Variants in RBM12 observed in about 807,000 individuals in gnomAD.
RBM12 encodes the protein RNA-binding protein 12.
A neutral mutation model predicts 37.2 loss-of-function variants in RBM12; 24 were observed. The observed-to-expected ratio is 0.65, with a 90% CI of 0.47 to 0.91. The LOEUF is 0.91. RBM12 is among the 40% of genes least tolerant of loss of function. RBM12 has a pLI of 0.00. For missense variants in RBM12, 1,061 were observed against 1,183.2 expected, an observed-to-expected ratio of 0.90 and a Z score of 1.52; for synonymous variants, 420 against 425.2, an observed-to-expected ratio of 0.99 and a Z score of 0.15.
chr20:35,656,696 G>C (rs2033918935), intron 2 of RBM12, among the ~76,000 whole-genome samples: 1 of 152,090 alleles, frequency 6.6e-6, no homozygotes, highest in African/African-American at 2.4e-5. Context: ...CACCATGCCT[G>C]GCTAAGTGTT....
At chr20:35,655,989 G>A (rs1178867979) in intron 2 of RBM12, among the ~76,000 whole-genome samples, 1 of 152,048 alleles carries the variant, frequency 6.6e-6, no homozygotes, top group Admixed American at 6.5e-5. Flanking sequence ...AACTACATAT[G>A]GAATTATTTA....
intron 1 of RBM12, among the ~76,000 whole-genome samples, chr20:35,662,753 A>G (rs893377546): frequency 6.6e-6 from 1 of 152,206 alleles, no homozygotes. Context: ...TCACACCTAA[A>G]GACTGTACTA....
rs1379852025 is a variant in RBM12, at chr20:35,654,926, C to A, written c.397G>T (p.Val133Leu). 6.2e-7 allele frequency: 1 copy of A among 1,614,152 alleles called. No homozygotes were observed. The highest frequency in any genetic ancestry group is 1.3e-5 in the African/African-American group (1 of 75,008). The change falls in exon 3 of 3, where the codon GTA becomes TTA. Residue 133 changes from valine to leucine, a missense_variant. By Grantham distance (32) the Val-to-Leu change is conservative. This residue lies in a region of RBM12 where 540 missense variants were observed against 632.7 expected (regional missense o/e 0.85). Transcript: ENST00000374114. ...TGAACAGAAGTGGTGGCAGTAACTACACTGGGTGATGGATTATTAAAGTTG... is the reference window on the plus strand; with the variant it reads ...TGAACAGAAGTGGTGGCAGTAACTAAACTGGGTGATGGATTATTAAAGTTG... ...VSNFNNPSPS[V>L]VTATTSVHES...
At chr20:35,659,607 G>A (rs1030412749) in intron 1 of RBM12, among the ~76,000 whole-genome samples, 2 of 152,002 alleles carry the variant, frequency 1.3e-5, no homozygotes, top group African/African-American at 4.8e-5. Flanking sequence ...AAATATTAAG[G>A]GAAAGTGTTT....
rs2033648041 is a variant in RBM12, at chr20:35,653,110, G to A, written c.2213C>T (p.Pro738Leu). The change falls in exon 3 of 3, where the codon CCT becomes CTT. Residue 738 changes from proline (P) to leucine (L), a missense_variant. Pro to Leu is a moderately conservative substitution (Grantham distance 98, BLOSUM62 -3). Around this residue, in one of 3 missense-constraint regions of RBM12, gnomAD observed 517 missense variants for 534.0 expected, o/e 0.97. Transcript: ENST00000374114. ...GGCCCCGCCTCCTAATCCTGGAGGA[G>A]GGATTGGTGGCCCAAAGGCATTTGA... ...GGSNAFGPPI[P>L]PPGLGGGAFG... 6.2e-7 allele frequency: 1 copy of A among 1,613,820 alleles called. No homozygotes were observed. Among genetic ancestry groups the A allele is most frequent in the Non-Finnish European group, 8.5e-7 (1 of 1,180,032 alleles).
intron 1 of RBM12, among the ~76,000 whole-genome samples, chr20:35,663,897 T>G (rs1213665060): frequency 6.6e-6 from 1 of 151,922 alleles, no homozygotes; most frequent in African/African-American, 2.4e-5. Context: ...CAATTAACTC[T>G]CCATCAAAAG....
Position 35,652,480 on chromosome 20 carries a change from C to T in RBM12, c.*44G>A. On this transcript the variant is annotated 3_prime_UTR_variant, in exon 3 of 3. Transcript: ENST00000374114. ...AGGAAAACAATCTGGATGCATTAAT[C>T]ACAGCAATATGAAGATCTACCCTAT... 1 of 1,553,644 alleles carries T rather than the reference C, an allele frequency of 6.4e-7. No individual in the cohort carries two copies. Among genetic ancestry groups the T allele is most frequent in the Non-Finnish European group, 8.7e-7 (1 of 1,149,936 alleles).
Position 35,654,043 on chromosome 20 carries a change from T to C in RBM12, c.1280A>G (p.Glu427Gly), listed in dbSNP as rs1230078864. 1 of 1,614,202 alleles carries C rather than the reference T, an allele frequency of 6.2e-7. No individual in the cohort carries two copies. The highest frequency in any genetic ancestry group is 2.2e-5 in the East Asian group (1 of 44,892). The stretch of plus-strand genomic sequence containing the variant: ...TTTCAAGTAAACACAAAAACCAGCC[T>C]CATGTGGTGATCTTGACCTTGATCT... ...QKRSRSRSPH[E>G]AGFCVYLKGL... The change falls in exon 3 of 3, where the codon GAG (glutamate) becomes GGG (glycine). Residue 427 changes from glutamate to glycine, a missense_variant. Glu to Gly is a moderately conservative substitution (Grantham distance 98). Transcript: ENST00000374114.
intron 1 of RBM12, 93 bp downstream of exon 1, chr20:35,664,667 G>T (rs978091274): frequency 6.6e-6 from 1 of 152,454 alleles, no homozygotes; most frequent in Non-Finnish European, 1.5e-5. Flanking sequence ...GTTGCCGCGG[G>T]CTCGAAGGCC....
chr20:35,654,502 G>T lies in RBM12; in HGVS notation c.821C>A (p.Pro274His), dbSNP rs866481786. 6.2e-7 allele frequency: 1 copy of T among 1,614,092 alleles called. No homozygotes were observed. Among genetic ancestry groups the T allele is most frequent in the Non-Finnish European group, 8.5e-7 (1 of 1,180,056 alleles). ...APMNLNNNLN[P>H]MFLGPLNPVN... ...AGGATTCAACGGACCAAGAAACATA[G>T]GATTCAGATTATTGTTCAAATTCAT... The change falls in exon 3 of 3, where the codon CCT becomes CAT. Residue 274 changes from proline to histidine, a missense_variant. By Grantham distance (77) the Pro-to-His change is moderately conservative. Around this residue, in one of 3 missense-constraint regions of RBM12, gnomAD observed 540 missense variants for 632.7 expected, o/e 0.85. Transcript: ENST00000374114.
chr20:35,660,905 A>G (rs1255488339), intron 1 of RBM12, among the ~76,000 whole-genome samples: 2 of 152,192 alleles, frequency 1.3e-5, no homozygotes, highest in Non-Finnish European at 2.9e-5. Flanking sequence ...GCTCAAAGGG[A>G]ACTCACCAGG....
intron 2 of RBM12, among the ~76,000 whole-genome samples, chr20:35,658,647 G>A (rs144759074): frequency 0.038 from 5,785 of 152,164 alleles, 378 homozygotes; most frequent in African/African-American, 0.13. Flanking sequence ...TGTAATCCCA[G>A]CTATTCGGGA....
rs1203506839 is a variant in RBM12, at chr20:35,650,374, T to C, written c.*2150A>G. 2.0e-5 allele frequency: 3 copies of C among 152,360 alleles called. No homozygotes were observed. The highest frequency in any genetic ancestry group is 7.2e-5 in the African/African-American group (3 of 41,428). The allele number at this position is 152,360 out of a possible 1,614,324, so 9.4% of individuals were successfully genotyped here. A position where few individuals can be genotyped will look rare whatever the true frequency, so the allele number is the denominator to read the frequency against. ...AGAATGTACGAACATATAACCAAAA[T>C]AAATTGTGAAAAAAGATAAAAGACT... On this transcript the variant is annotated 3_prime_UTR_variant, in exon 3 of 3. Coordinates refer to ENST00000374114, the MANE Select transcript of RBM12 (RefSeq NM_006047.6).
chr20:35,654,821 T>C lies in RBM12; in HGVS notation c.502A>G (p.Ser168Gly). 1 of 1,614,194 alleles carries C rather than the reference T, an allele frequency of 6.2e-7. No homozygotes were observed. Among genetic ancestry groups the C allele is most frequent in the Non-Finnish European group, 8.5e-7 (1 of 1,180,026 alleles). Reference protein sequence around the residue: ...APPNMGASFGSPTFSSTVPST... With the variant: ...APPNMGASFGGPTFSSTVPST... ...GGAACAGTTGAGCTAAACGTTGGGC[T>C]CCCAAAGGAAGCCCCCATATTTGGA... Residue 168 changes from serine to glycine, a missense_variant, in exon 3 of 3, where the codon AGC becomes GGC. Physicochemically the swap from Ser to Gly is moderately conservative, Grantham distance 56. Coordinates refer to ENST00000374114, the MANE Select transcript of RBM12 (RefSeq NM_006047.6).
At chr20:35,658,816 C>T in intron 2 of RBM12, 114 bp downstream of exon 2, 4 of 515,030 alleles carry the variant, frequency 7.8e-6, no homozygotes, top group East Asian at 5.9e-5. Context: ...CACACACACA[C>T]ACACACACAC....
In RBM12 at chr20:35,653,030, G is replaced by T; in HGVS notation, c.2293C>A (p.Leu765Ile). 3 of 1,613,816 alleles carry T rather than the reference G, an allele frequency of 1.9e-6. No individual in the cohort carries two copies. The highest frequency in any genetic ancestry group is 2.5e-6 in the Non-Finnish European group (3 of 1,180,040). ...CCAAAACCCGGAACATCCAGTCCTA[G>T]ACCAGGCAAACCACTGTTTCCAACT... ...PSVGNSGLPG[L>I]GLDVPGFGGG... The change falls in exon 3 of 3, where the codon CTA becomes ATA. Residue 765 changes from leucine (L) to isoleucine (I), a missense_variant. Leu to Ile is a conservative substitution (Grantham distance 5). This residue lies in a region of RBM12 where 517 missense variants were observed against 534.0 expected (regional missense o/e 0.97). Coordinates refer to ENST00000374114, the MANE Select transcript of RBM12 (RefSeq NM_006047.6).
rs1013705604 is a variant in RBM12, at chr20:35,656,003, T to C, written c.-22-659A>G. ...AAACTACATATGGAATTATTTATTATAAACAAGGTTAAGACATACTAAGAA... is the reference window on the plus strand; with the variant it reads ...AAACTACATATGGAATTATTTATTACAAACAAGGTTAAGACATACTAAGAA... On this transcript the variant is annotated intron_variant, in intron 2 of 2. Transcript: ENST00000374114. Among the ~76,000 whole-genome samples the C allele has an allele frequency of 4.6e-5, 7 of 152,216 alleles. No homozygotes were observed. In the South Asian group the frequency reaches 8.3e-4, roughly 18 times the overall value.
chr20:35,658,220 G>A (rs1405585988), intron 2 of RBM12, among the ~76,000 whole-genome samples: 1 of 152,146 alleles, frequency 6.6e-6, no homozygotes, highest in Non-Finnish European at 1.5e-5. Flanking sequence ...TCCATTTAAA[G>A]TCTAAAATTT....
At position 35,654,422 on chromosome 20, in the gene RBM12, G is replaced by A. The variant is rs151048925; in HGVS notation, c.901C>T (p.Pro301Ser). The A allele has an allele frequency of 3.8e-5, 62 of 1,614,152 alleles. No individual in the cohort carries two copies. The African/African-American group carries it at 6.7e-4, about 17-fold the overall frequency. Residue 301 changes from proline to serine, a missense_variant, in exon 3 of 3, where the codon CCT becomes TCT. Around this residue, in one of 3 missense-constraint regions of RBM12, gnomAD observed 540 missense variants for 632.7 expected, o/e 0.85. Transcript: ENST00000374114. ...TGCACACTGACATACAGATCATCAG[G>A]GTTGATGGGGAGTGGCTTCACACTG... ...QSSVKPLPIN[P>S]DDLYVSVHGM...
Sources: allele counts gnomAD v4.1 joint callset (sites outside exome capture counted in the v4.1 genomes callset), GRCh38; gene constraint gnomAD v4.1.1; regional missense constraint gnomAD v4.1.1; transcripts MANE v1.5; gene names NCBI Gene and HGNC (gene_info 2026-07-23, HGNC 2026-07-21).